The following NEB variants were observed in gnomAD, a reference collection of about 807,000 sequenced individuals.
NEB encodes nemaline myopathy type 2.
Under a neutral mutation model 952.2 loss-of-function variants are expected in NEB, and 512 were observed. That is an observed-to-expected ratio of 0.54 (90% CI 0.50 to 0.58). The LOEUF is 0.58. Among genes scored for constraint, NEB ranks in the 20% least tolerant of loss-of-function variants. NEB has a pLI of 0.00. For synonymous variants in NEB, 2,900 were observed against 3,149.8 expected (o/e 0.92, Z 2.66); for missense variants, 8,428 against 9,231.1 (o/e 0.91, Z 3.56).
chr2:151,629,676 A>G (rs2154068672), intron 67 of NEB, 30 bp from the exon 68 acceptor site: 2 of 1,567,114 alleles, frequency 1.3e-6, no homozygotes, highest in South Asian at 2.2e-5. Context: ...GAGTTAAAGC[A>G]AAAGGTTTGA....
At position 151,639,944 on chromosome 2, in the gene NEB, G is replaced by A; in HGVS notation, c.8802C>T (p.Arg2934=). Reference sequence around the variant, plus strand: ...TAAATTTGAATCTGTCTGGAGGCTGGCGATAGATTTTATCACTCAAAATTT... The same window carrying A: ...TAAATTTGAATCTGTCTGGAGGCTGACGATAGATTTTATCACTCAAAATTT... ...ATEILSDKIY[R]QPPDRFKFTS... Residue 2934 remains arginine (R), a synonymous_variant, in exon 62 of 182, where the codon CGC becomes CGT. Transcript: ENST00000397345. 6.2e-7 allele frequency: 1 copy of A among 1,613,944 alleles called. No individual in the cohort carries two copies. Among genetic ancestry groups the A allele is most frequent in the Non-Finnish European group, 8.5e-7 (1 of 1,179,850 alleles).
At chr2:151,627,335 A>C in intron 69 of NEB, 130 bp from the exon 70 acceptor site, 1 of 1,360,430 alleles carries the variant, frequency 7.4e-7, no homozygotes, top group Non-Finnish European at 9.9e-7. Flanking sequence ...ATGAAGGCCA[A>C]ATTGAATACA....
rs1393449611 is a variant in NEB at position 151,677,822 on chromosome 2, A to T, written c.3568-51T>A. ...GAGGGCCTAGGACAGGGTTCTTTTC[A>T]TGGCAGGCTCTGAACTTAATAGGGG... On this transcript the variant is annotated intron_variant, in intron 33 of 181. Coordinates refer to ENST00000397345, the MANE Select transcript of NEB (RefSeq NM_001164508.2). 5.0e-6 allele frequency: 8 copies of T among 1,610,350 alleles called. No homozygotes were observed. The East Asian group carries it at 1.8e-4, about 36-fold the overall frequency.
chr2:151,642,903 C>A lies in NEB; in HGVS notation c.8161-34G>T, dbSNP rs1288728539. The A allele has an allele frequency of 4.7e-6, 7 of 1,497,556 alleles. No homozygotes were observed. The South Asian group carries it at 8.4e-5, about 18-fold the overall frequency. 92.8% of individuals were successfully genotyped at this position (1,497,556 alleles called of 1,614,324 possible). On this transcript the variant is annotated intron_variant, in intron 58 of 181. Transcript: ENST00000397345. ...AACAGAAAAACATGACTGGTATAGG[C>A]CAGTAATAAATAGACACATGCAGAC...
rs1265163979 is a variant in NEB at position 151,492,444 on chromosome 2, A to G, written c.24816T>C (p.Tyr8272=). The stretch of plus-strand genomic sequence containing the variant: ...GTCTCATCTCGGGGGTATCCAATAC[A>G]TAGGCAGCTTTGCCTTGTATTTGTT... The part of the protein sequence containing the change: ...FRKQIQGKAA[Y]VLDTPEMRRV... Residue 8272 remains tyrosine (Y), a synonymous_variant, in exon 177 of 182, where the codon TAT becomes TAC. Transcript: ENST00000397345. The G allele has an allele frequency of 6.2e-7, 1 of 1,613,402 alleles. No individual in the cohort carries two copies. The highest frequency in any genetic ancestry group is 8.5e-7 in the Non-Finnish European group (1 of 1,179,686).
intron 27 of NEB, among the ~76,000 whole-genome samples, chr2:151,686,708 A>G (rs1232222544): frequency 2.0e-5 from 3 of 152,178 alleles, no homozygotes; most frequent in Admixed American, 2.0e-4. Context: ...AGTATCTGCA[A>G]GCTACACTGA....
At chr2:151,574,253 C>T (rs934928557) in intron 107 of NEB, among the ~76,000 whole-genome samples, 7 of 152,294 alleles carry the variant, frequency 4.6e-5, no homozygotes, top group Admixed American at 1.3e-4. Context: ...GGATTACAGG[C>T]GTGAGCCATC....
Position 151,690,708 on chromosome 2 carries a change from C to A in NEB, c.2310+19G>T. 6.5e-7 allele frequency: 1 copy of A among 1,549,984 alleles called. No individual in the cohort carries two copies. Among genetic ancestry groups the A allele is most frequent in the East Asian group, 2.3e-5 (1 of 42,846 alleles). On this transcript the variant is annotated intron_variant, in intron 24 of 181. Coordinates refer to ENST00000397345, the MANE Select transcript of NEB (RefSeq NM_001164508.2). ...AAGCACTCTGGGTCACCCACGCTTGCATAAATCAAAGCACTTACATCACTA... is the reference window on the plus strand; with the variant it reads ...AAGCACTCTGGGTCACCCACGCTTGAATAAATCAAAGCACTTACATCACTA...
At chr2:151,487,364 T>G (rs1463427486) in intron 181 of NEB, among the ~76,000 whole-genome samples, 1 of 152,194 alleles carries the variant, frequency 6.6e-6, no homozygotes, top group Non-Finnish European at 1.5e-5. Context: ...CCTATATGGT[T>G]TTTTCTTGCA....
Position 151,674,568 on chromosome 2 carries a change from T to C in NEB, c.3896A>G (p.Asp1299Gly), listed in dbSNP as rs202207189. Reference protein sequence around the residue: ...YNISDVCYKRDWYDLIAKGNN... With the variant: ...YNISDVCYKRGWYDLIAKGNN... ...GCCCTTGGCTATTAAGTCATACCAA[T>C]CCCGTTTATAACAGACCTGGACAGA... The change falls in exon 36 of 182, where the codon GAT (aspartate) becomes GGT (glycine). Residue 1299 changes from aspartate (D) to glycine (G), a missense_variant. By Grantham distance (94) the Asp-to-Gly change is moderately conservative. Around this residue, in one of 11 missense-constraint regions of NEB, gnomAD observed 2,851 missense variants for 2,791.5 expected, o/e 1.02. Coordinates refer to ENST00000397345, the MANE Select transcript of NEB (RefSeq NM_001164508.2). 6.2e-7 allele frequency: 1 copy of C among 1,612,060 alleles called. No individual in the cohort carries two copies. The highest frequency in any genetic ancestry group is 1.3e-5 in the African/African-American group (1 of 75,016).
chr2:151,697,243 T>C lies in NEB; in HGVS notation c.1375A>G (p.Lys459Glu). ...VTAQNSDKNY[K>E]AEYEEDRGKG... ...CCTCTGTCTTCTTCGTATTCTGCTT[T>C]GTAGTTTTTCTATGAGGAGAAGAAA... Residue 459 changes from lysine to glutamate, a missense_variant, in exon 16 of 182, where the codon AAA becomes GAA. By Grantham distance (56) the Lys-to-Glu change is moderately conservative. Coordinates refer to ENST00000397345, the MANE Select transcript of NEB (RefSeq NM_001164508.2). The C allele has an allele frequency of 6.2e-7, 1 of 1,613,926 alleles. No individual in the cohort carries two copies. The highest frequency in any genetic ancestry group is 8.5e-7 in the Non-Finnish European group (1 of 1,179,842).
At position 151,496,227 on chromosome 2, in the gene NEB, A is replaced by C. The variant is rs773500715; in HGVS notation, c.24486+49T>G. 3 of 1,456,598 alleles carry C rather than the reference A, an allele frequency of 2.1e-6. No individual in the cohort carries two copies. The African/African-American group carries it at 4.2e-5, about 21-fold the overall frequency. The allele number at this position is 1,456,598 out of a possible 1,614,324, so 90.2% of individuals were successfully genotyped here. ...AATATGTATTATTTTAAATCATAAA[A>C]GTAGTTTTTAAAATCAGTAAGTAGT... On this transcript the variant is annotated intron_variant, in intron 173 of 181. Transcript: ENST00000397345.
chr2:151,666,145 A>T lies in NEB; in HGVS notation c.4976T>A (p.Leu1659Gln). 1 of 1,613,900 alleles carries T rather than the reference A, an allele frequency of 6.2e-7. No homozygotes were observed. Among genetic ancestry groups the T allele is most frequent in the South Asian group, 1.1e-5 (1 of 91,078 alleles). ...GTGCTCCACATTCAAGGCATCGGGC[A>T]GGAGAGTGTAGTGGTGGTATGACTG... is the stretch of plus-strand genomic sequence containing the variant. Reference protein sequence around the residue: ...YRQSYHHYTLLPDALNVEHSR... With the variant: ...YRQSYHHYTLQPDALNVEHSR... Residue 1659 changes from leucine to glutamine, a missense_variant, in exon 41 of 182, where the codon CTG becomes CAG. Coordinates refer to ENST00000397345, the MANE Select transcript of NEB (RefSeq NM_001164508.2).
At chr2:151,566,652 C>T (rs2096412649) in intron 114 of NEB, among the ~76,000 whole-genome samples, 1 of 152,132 alleles carries the variant, frequency 6.6e-6, no homozygotes, top group Admixed American at 6.5e-5. Flanking sequence ...CTAGCTTTAC[C>T]AAAGCTCTGC....
chr2:151,702,246 T>C (rs2099675405), intron 13 of NEB, among the ~76,000 whole-genome samples: 1 of 151,966 alleles, frequency 6.6e-6, no homozygotes, highest in Non-Finnish European at 1.5e-5. Context: ...TGTTATAATG[T>C]CTGTTCTTTT....
At chr2:151,656,908 T>C (rs149598348) in intron 48 of NEB, among the ~76,000 whole-genome samples, 3 of 152,208 alleles carry the variant, frequency 2.0e-5, no homozygotes, top group African/African-American at 7.2e-5. Context: ...AATTATTCTG[T>C]CAGTCATTTA....
intron 13 of NEB, among the ~76,000 whole-genome samples, chr2:151,697,923 G>A (rs1170204300): frequency 6.6e-6 from 1 of 152,142 alleles, no homozygotes; most frequent in African/African-American, 2.4e-5. Context: ...AAAGTTACCT[G>A]GGCATGGTGG....
At position 151,667,911 on chromosome 2, in the gene NEB, C is replaced by A. The variant is rs781263453; in HGVS notation, c.4612G>T (p.Ala1538Ser). The A allele has an allele frequency of 3.1e-6, 5 of 1,603,114 alleles. No individual in the cohort carries two copies. Among genetic ancestry groups the A allele is most frequent in the Non-Finnish European group, 4.3e-6 (5 of 1,172,890 alleles). Reference sequence around the variant, plus strand: ...TTCTTCCAATCTGCTTTATAATGAGCCTTCAAAAAAGTAGAGGTTATTTTA... The same window carrying A: ...TTCTTCCAATCTGCTTTATAATGAGACTTCAAAAAAGTAGAGGTTATTTTA... ...AKVNALNMSD[A>S]HYKADWKKTI... The change falls in exon 40 of 182, where the codon GCT (alanine) becomes TCT (serine). Residue 1538 changes from alanine to serine, a missense_variant and splice_region_variant. This residue lies in a region of NEB where 2,851 missense variants were observed against 2,791.5 expected (regional missense o/e 1.02). Coordinates refer to ENST00000397345, the MANE Select transcript of NEB (RefSeq NM_001164508.2).
Position 151,565,753 on chromosome 2 carries a change from T to A in NEB, c.18224A>T (p.His6075Leu). The change falls in exon 115 of 182, where the codon CAT (histidine) becomes CTT (leucine). Residue 6075 changes from histidine (H) to leucine (L), a missense_variant. Around this residue, in one of 11 missense-constraint regions of NEB, gnomAD observed 3,374 missense variants for 3,651.5 expected, o/e 0.92. Transcript: ENST00000397345. The part of the protein sequence containing the change: ...IGWIPLDSVD[H>L]VRVTKNQEMM... The stretch of plus-strand genomic sequence containing the variant: ...TTCCTGGTTCTTAGTAACCCTTACA[T>A]GGTCCACAGAATCCAGTGGGATCCA... 6.2e-7 allele frequency: 1 copy of A among 1,612,668 alleles called. No individual in the cohort carries two copies. The highest frequency in any genetic ancestry group is 1.7e-5 in the Admixed American group (1 of 59,814).
Sources: allele counts gnomAD v4.1 joint callset (sites outside exome capture counted in the v4.1 genomes callset), GRCh38; gene constraint gnomAD v4.1.1; regional missense constraint gnomAD v4.1.1; transcripts MANE v1.5; gene names NCBI Gene and HGNC (gene_info 2026-07-23, HGNC 2026-07-21).